The following LINGO2 variants were observed in gnomAD, a reference collection of about 807,000 sequenced individuals.
The protein encoded by LINGO2 is leucine-rich repeat and immunoglobulin-like domain-containing nogo receptor-interacting protein 2.
In LINGO2, 14 loss-of-function variants were observed where a neutral mutation model predicts 30.6. The observed-to-expected ratio is 0.46, with a 90% CI of 0.30 to 0.72. LINGO2 has a LOEUF of 0.72. Ranked by LOEUF, LINGO2 falls within the 30% of genes least tolerant of loss-of-function variation. The probability of loss-of-function intolerance (pLI) is 0.07; values close to 1 mark genes in which losing one functional copy is unlikely to be tolerated. For missense variants in LINGO2, 729 were observed against 751.7 expected (o/e 0.97, Z 0.35); for synonymous variants, 317 against 288.5 (o/e 1.10, Z -1.00).
chr9:28,281,084 C>T (rs1176618910), intron 4 of LINGO2, among the ~76,000 whole-genome samples: 2 of 152,012 alleles, frequency 1.3e-5, no homozygotes, highest in Non-Finnish European at 2.9e-5. Flanking sequence ...AAATTAGCTG[C>T]TTTAATTTCT....
Position 28,089,929 on chromosome 9 carries a change from T to C in LINGO2, c.-86-77524A>G, listed in dbSNP as rs537185755. Among the ~76,000 whole-genome samples, 104 of 152,214 alleles carry C rather than the reference T, an allele frequency of 6.8e-4. 1 individual carries two copies. Among genetic ancestry groups the C allele is most frequent in the African/African-American group, 2.3e-3 (97 of 41,550 alleles). ...TACAAACTACCATCAGAGAATACTATAAACACCTCTATGCAAATAAACTAG... is the reference window on the plus strand; with the variant it reads ...TACAAACTACCATCAGAGAATACTACAAACACCTCTATGCAAATAAACTAG... On this transcript the variant is annotated intron_variant, in intron 4 of 5. Coordinates refer to ENST00000379992, the Ensembl canonical transcript of LINGO2.
At chr9:29,116,360 G>A in the LINGO2 span, among the ~76,000 whole-genome samples, 1 of 151,866 alleles carries the variant, frequency 6.6e-6, no homozygotes, top group Admixed American at 6.6e-5. Flanking sequence ...AAATTTGTAA[G>A]GCAGTGAATA....
At chr9:28,077,316 T>C (rs1320855080) in intron 4 of LINGO2, among the ~76,000 whole-genome samples, 2 of 152,202 alleles carry the variant, frequency 1.3e-5, no homozygotes, top group African/African-American at 2.4e-5. Context: ...TATGATGAAT[T>C]ATTTCCCAGA....
At chr9:27,989,465 GTGTGTGTGTGTGTA>G (rs1821286656) in intron 5 of LINGO2, among the ~76,000 whole-genome samples, 1 of 151,536 alleles carries the variant, frequency 6.6e-6, no homozygotes. Flanking sequence ...GTGTGTGTGT[GTGTGTGTGTGTGTA>G]TGTGTGCAGG....
At chr9:28,213,955 T>G (rs182448538) in intron 4 of LINGO2, among the ~76,000 whole-genome samples, 2 of 151,522 alleles carry the variant, frequency 1.3e-5, no homozygotes, top group African/African-American at 4.8e-5. Flanking sequence ...CAGACCAAGC[T>G]TTACTTTTAG....
At chr9:28,031,623 T>C (rs1407640079) in intron 4 of LINGO2, among the ~76,000 whole-genome samples, 4 of 152,174 alleles carry the variant, frequency 2.6e-5, no homozygotes, top group Admixed American at 2.6e-4. Context: ...GTCTGGTGTC[T>C]GCCACACAAC....
chr9:28,449,872 T>G (rs555452343), intron 2 of LINGO2, among the ~76,000 whole-genome samples: 2 of 152,040 alleles, frequency 1.3e-5, no homozygotes, highest in Non-Finnish European at 2.9e-5. Flanking sequence ...CAAATCAGGC[T>G]AAATTATCCA....
At position 28,218,500 on chromosome 9, in the gene LINGO2, C is replaced by T. The variant is rs74369878; in HGVS notation, c.-87+76708G>A. On this transcript the variant is annotated intron_variant, in intron 4 of 5. Transcript: ENST00000379992. ...AAGTGGAAAAGTCACATGTTCTCCA[C>T]GATAAAGAACAGATGTGACAAAGCC... is the stretch of plus-strand genomic sequence containing the variant. Among the ~76,000 whole-genome samples the T allele has an allele frequency of 5.8e-3, 888 of 152,006 alleles. 6 individuals are homozygous for T. The highest frequency in any genetic ancestry group is 0.021 in the African/African-American group (852 of 41,478).
the LINGO2 span, among the ~76,000 whole-genome samples, chr9:29,131,132 T>C: frequency 2.0e-5 from 3 of 152,182 alleles, no homozygotes; most frequent in African/African-American, 7.2e-5. Context: ...CCACTTCCTT[T>C]GTAACAATTA....
At chr9:28,459,775 C>G (rs1825001159) in intron 2 of LINGO2, among the ~76,000 whole-genome samples, 1 of 151,944 alleles carries the variant, frequency 6.6e-6, no homozygotes, top group Non-Finnish European at 1.5e-5. Context: ...ATATTTGAAA[C>G]TTCAAAGTAT....
intron 3 of LINGO2, among the ~76,000 whole-genome samples, chr9:28,358,433 A>G (rs1364894479): frequency 6.6e-6 from 1 of 152,126 alleles, no homozygotes. Context: ...TTGATCAGTC[A>G]CAAATGGAGA....
Position 28,104,170 on chromosome 9 carries a change from G to C in LINGO2, c.-86-91765C>G, listed in dbSNP as rs769700728. Among the ~76,000 whole-genome samples, 18 of 151,168 alleles carry C rather than the reference G, an allele frequency of 1.2e-4. 1 individual carries two copies. The highest frequency in any genetic ancestry group is 1.5e-5 in the Non-Finnish European group (1 of 67,866). ...CTCTGTCCTTCTTGGGTTATAATAA[G>C]GACAGGAAGGGTAAGTAAAGAAGAA... On this transcript the variant is annotated intron_variant, in intron 4 of 5. Coordinates refer to ENST00000379992, the Ensembl canonical transcript of LINGO2.
chr9:29,008,197 A>G, the LINGO2 span, among the ~76,000 whole-genome samples: 1 of 152,042 alleles, frequency 6.6e-6, no homozygotes, highest in East Asian at 1.9e-4. Flanking sequence ...TGTCCTTGCA[A>G]TAGTTTGCTG....
the LINGO2 span, among the ~76,000 whole-genome samples, chr9:28,759,448 C>G: frequency 6.6e-6 from 1 of 151,788 alleles, no homozygotes; most frequent in East Asian, 1.9e-4. Context: ...TTTGGGAGGA[C>G]GAGGCGGGTG....
At chr9:28,958,546 C>G in the LINGO2 span, among the ~76,000 whole-genome samples, 1 of 152,076 alleles carries the variant, frequency 6.6e-6, no homozygotes, top group Non-Finnish European at 1.5e-5. Context: ...GTTTTAAAAC[C>G]TACCAAGTTG....
At chr9:28,988,240 G>A in the LINGO2 span, among the ~76,000 whole-genome samples, 1 of 152,000 alleles carries the variant, frequency 6.6e-6, no homozygotes, top group African/African-American at 2.4e-5. Flanking sequence ...ATTTACAATT[G>A]TTATACTTTC....
chr9:28,633,291 G>C (rs1364271034), intron 1 of LINGO2, among the ~76,000 whole-genome samples: 1 of 152,032 alleles, frequency 6.6e-6, no homozygotes, highest in Non-Finnish European at 1.5e-5. Flanking sequence ...TTGACACTCA[G>C]TATTAACTAT....
chr9:28,781,555 C>T, the LINGO2 span, among the ~76,000 whole-genome samples: 1 of 152,158 alleles, frequency 6.6e-6, no homozygotes, highest in Non-Finnish European at 1.5e-5. Flanking sequence ...CCTTCCCATA[C>T]TCCATTGTCT....
chr9:28,782,862 A>G, the LINGO2 span, among the ~76,000 whole-genome samples: 5 of 152,210 alleles, frequency 3.3e-5, no homozygotes, highest in Non-Finnish European at 7.4e-5. Flanking sequence ...CCTGCAGAGC[A>G]CACTTACACA....
Sources: allele counts gnomAD v4.1 joint callset (sites outside exome capture counted in the v4.1 genomes callset), GRCh38; gene constraint gnomAD v4.1.1; transcripts MANE v1.5; gene names NCBI Gene and HGNC (gene_info 2026-07-23, HGNC 2026-07-21).